VAC14: variants seen among roughly 807,000 people sequenced by gnomAD.
The protein encoded by VAC14 is VAC14 component of PIKFYVE complex.
In VAC14, 47 loss-of-function variants were observed where a neutral mutation model predicts 85.3. The ratio of observed to expected loss-of-function variants is 0.55; its 90% CI spans 0.44 to 0.70. The LOEUF (loss-of-function observed/expected upper bound fraction) is 0.70. VAC14 is among the 30% of genes least tolerant of loss of function. The pLI, the probability that VAC14 is intolerant of heterozygous loss-of-function variation, is 0.00. For synonymous variants in VAC14, 447 were observed against 430.5 expected (o/e 1.04, Z -0.47); for missense variants, 861 against 1,004.3 (o/e 0.86, Z 1.93).
intron 16 of VAC14, 170 bp downstream of exon 16, chr16:70,696,969 C>T: frequency 1.7e-6 from 1 of 588,782 alleles, no homozygotes. Context: ...CCAAATACGT[C>T]CCTCCCCTCC....
intron 14 of VAC14, among the ~76,000 whole-genome samples, chr16:70,710,823 C>A (rs551573321): frequency 1.6e-4 from 24 of 152,374 alleles, no homozygotes; most frequent in Admixed American, 7.8e-4. Context: ...TTCCCTCCCC[C>A]AAATTATTTA....
intron 17 of VAC14, among the ~76,000 whole-genome samples, chr16:70,694,136 G>A (rs2053658418): frequency 6.6e-6 from 1 of 152,230 alleles, no homozygotes; most frequent in South Asian, 2.1e-4. Flanking sequence ...AGACCAGGGT[G>A]TGTCTCTCCT....
At chr16:70,695,847 T>A in intron 16 of VAC14, 1 of 500,088 alleles carries the variant, frequency 2.0e-6, no homozygotes, top group South Asian at 2.5e-5. Flanking sequence ...CTAGCAGCTG[T>A]CTCCTCTGCA....
intron 9 of VAC14, chr16:70,778,514 G>C (rs779144116): frequency 4.0e-5 from 6 of 151,834 alleles, no homozygotes; most frequent in African/African-American, 1.5e-4. Flanking sequence ...GTAGTTTTTA[G>C]TACATTCACA....
At chr16:70,760,781 A>G (rs1218596086) in intron 12 of VAC14, among the ~76,000 whole-genome samples, 1 of 152,180 alleles carries the variant, frequency 6.6e-6, no homozygotes, top group Non-Finnish European at 1.5e-5. Flanking sequence ...AGTTTAAAGG[A>G]CTGAAAACTC....
intron 14 of VAC14, among the ~76,000 whole-genome samples, chr16:70,729,154 T>C (rs1212072432): frequency 6.6e-6 from 1 of 152,194 alleles, no homozygotes; most frequent in Non-Finnish European, 1.5e-5. Flanking sequence ...CAAGTGCTAC[T>C]GGCATTCAGG....
At chr16:70,729,106 G>A (rs139799934) in intron 14 of VAC14, among the ~76,000 whole-genome samples, 3 of 152,340 alleles carry the variant, frequency 2.0e-5, no homozygotes, top group Non-Finnish European at 2.9e-5. Flanking sequence ...CTCTGGCAAT[G>A]TTTAGAGACA....
intron 8 of VAC14, among the ~76,000 whole-genome samples, 190 bp downstream of exon 8, chr16:70,781,679 C>T (rs1162165399): frequency 1.3e-5 from 2 of 152,150 alleles, no homozygotes; most frequent in East Asian, 3.9e-4. Context: ...GGTGTGGGGA[C>T]AGCCAGCATC....
chr16:70,748,918 T>C lies in VAC14; in HGVS notation c.1372-4339A>G, dbSNP rs535635662. On this transcript the variant is annotated intron_variant, in intron 12 of 18. Transcript: ENST00000261776. ...CACTACTTCACTCCGGTCTGGGCAA[T>C]AGAGTGAGACTCTGTCTCAAAAACA... Among the ~76,000 whole-genome samples, 35 of 152,060 alleles carry C rather than the reference T, an allele frequency of 2.3e-4. No homozygotes were observed. The East Asian group carries it at 5.2e-3, about 23-fold the overall frequency.
intron 13 of VAC14, among the ~76,000 whole-genome samples, chr16:70,737,948 G>A (rs572434736): frequency 5.9e-5 from 9 of 152,326 alleles, no homozygotes; most frequent in Middle Eastern, 3.4e-3. Context: ...CCATGTGCCC[G>A]GACAGCCCGT....
intron 14 of VAC14, among the ~76,000 whole-genome samples, chr16:70,727,662 C>T (rs1275760534): frequency 1.3e-5 from 2 of 152,188 alleles, no homozygotes; most frequent in Non-Finnish European, 2.9e-5. Context: ...TTAAAGTCAT[C>T]GCAGGAGAAA....
chr16:70,763,822 G>A (rs373941557), intron 10 of VAC14, among the ~76,000 whole-genome samples: 9 of 152,332 alleles, frequency 5.9e-5, no homozygotes, highest in Middle Eastern at 3.4e-3. Context: ...GCGGGACAGC[G>A]GGTGCTGCTG....
intron 12 of VAC14, among the ~76,000 whole-genome samples, chr16:70,760,317 A>G (rs1218796112): frequency 6.6e-6 from 1 of 152,146 alleles, no homozygotes; most frequent in Non-Finnish European, 1.5e-5. Flanking sequence ...ATATCCTAGA[A>G]AGGAAGTTTC....
Position 70,762,513 on chromosome 16 carries a change from T to C in VAC14, c.1371+27A>G. ...GGGAGGCAGGGCAGCCGATGTTCCA[T>C]AAGTACGGGTGGCGTTGGTGACCTA... On this transcript the variant is annotated intron_variant, in intron 12 of 18. Transcript: ENST00000261776. This position sits in a 1 kb window ranked among gnomAD's most constrained non-coding sequence, Gnocchi z 4.1. 6.2e-7 allele frequency: 1 copy of C among 1,612,230 alleles called. No homozygotes were observed. The highest frequency in any genetic ancestry group is 8.5e-7 in the Non-Finnish European group (1 of 1,178,434).
intron 14 of VAC14, among the ~76,000 whole-genome samples, chr16:70,700,434 C>A (rs895993604): frequency 1.3e-5 from 2 of 152,196 alleles, no homozygotes; most frequent in Non-Finnish European, 2.9e-5. Context: ...CGCCTGGTGT[C>A]CCCAACTACC....
intron 14 of VAC14, among the ~76,000 whole-genome samples, chr16:70,717,800 C>G: frequency 6.6e-6 from 1 of 152,184 alleles, no homozygotes; most frequent in East Asian, 1.9e-4. Context: ...GCGCATGCCA[C>G]CATGCTCAGT....
chr16:70,726,735 T>C (rs1245200565), intron 14 of VAC14, among the ~76,000 whole-genome samples: 2 of 152,182 alleles, frequency 1.3e-5, no homozygotes, highest in Non-Finnish European at 2.9e-5. Context: ...TCGCTCTATC[T>C]GTGAGCTTGG....
rs1188573152 is a variant in VAC14 at position 70,783,677 on chromosome 16, G to A, written c.595-123C>T. 60 of 923,504 alleles carry A rather than the reference G, an allele frequency of 6.5e-5. No individual in the cohort carries two copies. The Admixed American group carries it at 1.2e-3, about 19-fold the overall frequency. 57.2% of individuals were successfully genotyped at this position (923,504 alleles called of 1,614,324 possible). ...TGAGACAGCATTTCCCTGCAGTGCA[G>A]GTGTCCCATGTGGGAGGAGGGTGCT... On this transcript the variant is annotated intron_variant, in intron 5 of 18. Transcript: ENST00000261776.
chr16:70,688,104 G>A lies in VAC14; in HGVS notation c.2187-14C>T, dbSNP rs760567994. ...TTTAGACTGTCTCTGGGAAGAGGGAGCAGAAATGCTCAGTGTCAGGGATCA... is the reference window on the plus strand; with the variant it reads ...TTTAGACTGTCTCTGGGAAGAGGGAACAGAAATGCTCAGTGTCAGGGATCA... On this transcript the variant is annotated splice_polypyrimidine_tract_variant and intron_variant, in intron 18 of 18. Transcript: ENST00000261776. The A allele has an allele frequency of 3.9e-6, 6 of 1,542,430 alleles. No homozygotes were observed. The African/African-American group carries it at 4.1e-5, about 11-fold the overall frequency.
Sources: allele counts gnomAD v4.1 joint callset (sites outside exome capture counted in the v4.1 genomes callset), GRCh38; gene constraint gnomAD v4.1.1; non-coding constraint Gnocchi (gnomAD v3.1); transcripts MANE v1.5; gene names NCBI Gene and HGNC (gene_info 2026-07-23, HGNC 2026-07-21).